Variants in CCSER1 observed in about 807,000 individuals in gnomAD.
CCSER1 encodes the protein serine-rich coiled-coil domain-containing protein 1.
CCSER1 carries 41 observed loss-of-function variants against 82.0 expected under a neutral mutation model. The ratio of observed to expected loss-of-function variants is 0.50; its 90% confidence interval spans 0.39 to 0.65. The LOEUF is 0.65. CCSER1 is among the 30% of genes least tolerant of loss of function. The probability of loss-of-function intolerance (pLI) is 0.00; values close to 1 mark genes in which losing one functional copy is unlikely to be tolerated. For missense variants in CCSER1, 1,119 were observed against 1,064.2 expected, an observed-to-expected ratio of 1.05 and a Z score of -0.72; for synonymous variants, 414 against 383.9, an observed-to-expected ratio of 1.08 and a Z score of -0.92.
intron 1 of CCSER1, among the ~76,000 whole-genome samples, chr4:90,236,864 ATATGTGTG>A (rs1745895444): frequency 6.6e-6 from 1 of 152,022 alleles, no homozygotes; most frequent in South Asian, 2.1e-4. Context: ...TGTGTATCCT[ATATGTGTG>A]TATGTGTGTA....
At chr4:90,970,546 A>G (rs185218443) in intron 9 of CCSER1, among the ~76,000 whole-genome samples, 6 of 152,122 alleles carry the variant, frequency 3.9e-5, no homozygotes, top group Admixed American at 3.3e-4. Context: ...TATCATCTCT[A>G]TAGAAAATTA....
chr4:90,448,969 G>T (rs1761074773), intron 4 of CCSER1, among the ~76,000 whole-genome samples: 1 of 152,148 alleles, frequency 6.6e-6, no homozygotes, highest in Non-Finnish European at 1.5e-5. Context: ...GCAAAGAGGT[G>T]CTTTATTGAG....
chr4:91,503,864 A>G (rs756775103), intron 10 of CCSER1, among the ~76,000 whole-genome samples: 1 of 152,172 alleles, frequency 6.6e-6, no homozygotes, highest in Non-Finnish European at 1.5e-5. Context: ...TGGAGACATG[A>G]TTATATTAAC....
At chr4:90,153,515 G>A (rs1480001456) in intron 1 of CCSER1, among the ~76,000 whole-genome samples, 1 of 152,010 alleles carries the variant, frequency 6.6e-6, no homozygotes, top group Admixed American at 6.6e-5. Flanking sequence ...GTGTCAAAGT[G>A]TTCCTATTTC....
chr4:91,371,834 AGGTG>A (rs56219020), intron 10 of CCSER1, among the ~76,000 whole-genome samples: 129,337 of 151,984 alleles, frequency 0.85, 55,387 homozygotes, highest in African/African-American at 0.96. Flanking sequence ...CGTAGGACCT[AGGTG>A]ATGAGCTTTC....
intron 9 of CCSER1, among the ~76,000 whole-genome samples, chr4:91,025,294 A>G (rs929272308): frequency 3.3e-5 from 5 of 152,184 alleles, no homozygotes; most frequent in African/African-American, 1.2e-4. Flanking sequence ...TAATCAATTC[A>G]CATACCTCCA....
chr4:91,435,520 C>A (rs1754597821), intron 10 of CCSER1, among the ~76,000 whole-genome samples: 1 of 151,988 alleles, frequency 6.6e-6, no homozygotes, highest in African/African-American at 2.4e-5. Context: ...AAATTGCTTT[C>A]TCTTACTTTT....
At chr4:91,541,278 T>C (rs989437761) in intron 10 of CCSER1, among the ~76,000 whole-genome samples, 2 of 152,216 alleles carry the variant, frequency 1.3e-5, no homozygotes, top group Non-Finnish European at 2.9e-5. Flanking sequence ...GTGCACAACG[T>C]GCAGGTTTGT....
At chr4:91,057,633 A>G (rs1306360957) in intron 9 of CCSER1, among the ~76,000 whole-genome samples, 2 of 152,152 alleles carry the variant, frequency 1.3e-5, no homozygotes, top group South Asian at 2.1e-4. Context: ...TGTGTAGACA[A>G]TTGTTGAGTT....
At chr4:90,882,576 A>G (rs765325337) in intron 8 of CCSER1, among the ~76,000 whole-genome samples, 5 of 152,088 alleles carry the variant, frequency 3.3e-5, no homozygotes, top group Non-Finnish European at 5.9e-5. Context: ...ACTTGAAAAT[A>G]AATTGGAAAG....
At chr4:91,327,156 G>C (rs947689991) in intron 10 of CCSER1, among the ~76,000 whole-genome samples, 3 of 152,100 alleles carry the variant, frequency 2.0e-5, no homozygotes, top group Non-Finnish European at 2.9e-5. Flanking sequence ...GTGGGGGCTC[G>C]AACCCCACAT....
At chr4:91,373,293 T>C (rs1750166911) in intron 10 of CCSER1, among the ~76,000 whole-genome samples, 1 of 152,194 alleles carries the variant, frequency 6.6e-6, no homozygotes, top group Admixed American at 6.5e-5. Flanking sequence ...TTTGCAGATA[T>C]TGCACGTTTT....
chr4:91,118,880 A>T (rs1295094414), intron 10 of CCSER1, among the ~76,000 whole-genome samples: 1 of 152,176 alleles, frequency 6.6e-6, no homozygotes, highest in African/African-American at 2.4e-5. Context: ...AAATTTGGGT[A>T]AATTGTTCAA....
At chr4:91,119,398 G>A (rs2148888425) in intron 10 of CCSER1, among the ~76,000 whole-genome samples, 1 of 151,926 alleles carries the variant, frequency 6.6e-6, no homozygotes, top group East Asian at 1.9e-4. Flanking sequence ...TTAGGGATTT[G>A]ATACAGACAA....
intron 1 of CCSER1, among the ~76,000 whole-genome samples, chr4:90,199,635 G>A (rs1737273203): frequency 6.6e-6 from 1 of 152,038 alleles, no homozygotes; most frequent in African/African-American, 2.4e-5. Flanking sequence ...AAAAAAATAT[G>A]TATGGAGAGA....
intron 10 of CCSER1, among the ~76,000 whole-genome samples, chr4:91,577,771 G>T (rs987131747): frequency 1.3e-5 from 2 of 152,070 alleles, no homozygotes; most frequent in Admixed American, 6.6e-5. Flanking sequence ...GGTTTCAATC[G>T]TTGTGTCATA....
rs563007292 is a variant in CCSER1 at position 91,348,978 on chromosome 4, G to A, written c.2218-249594G>A. On this transcript the variant is annotated intron_variant, in intron 10 of 10. Coordinates refer to ENST00000509176, the MANE Select transcript of CCSER1 (RefSeq NM_001145065.2). ...GGCTGGAGTGCAGTGGTGAGATCTC[G>A]ACTCACTGCAAGCTCCGCCTCCCGG... is the stretch of plus-strand genomic sequence containing the variant. 4.6e-5 allele frequency among the ~76,000 whole-genome samples: 7 copies of A among 152,000 alleles called. No homozygotes were observed. The South Asian group carries it at 1.2e-3, about 27-fold the overall frequency.
intron 8 of CCSER1, among the ~76,000 whole-genome samples, chr4:90,835,059 C>G (rs1022133681): frequency 6.6e-6 from 1 of 152,136 alleles, no homozygotes; most frequent in Non-Finnish European, 1.5e-5. Context: ...TCTCGCTGGC[C>G]TGGTGGCTCA....
At chr4:91,567,278 G>T (rs962398773) in intron 10 of CCSER1, among the ~76,000 whole-genome samples, 1 of 152,034 alleles carries the variant, frequency 6.6e-6, no homozygotes, top group African/African-American at 2.4e-5. Flanking sequence ...TTTTACATTT[G>T]TTGAGGATTG....
Sources: allele counts gnomAD v4.1 joint callset (sites outside exome capture counted in the v4.1 genomes callset), GRCh38; gene constraint gnomAD v4.1.1; transcripts MANE v1.5; gene names NCBI Gene and HGNC (gene_info 2026-07-23, HGNC 2026-07-21).